The following SAMD3 variants were observed in gnomAD, a reference collection of about 807,000 sequenced individuals.
SAMD3 encodes the protein sterile alpha motif domain-containing protein 3.
SAMD3 carries 63 observed loss-of-function variants against 58.5 expected under a neutral mutation model. The ratio of observed to expected loss-of-function variants is 1.08; its 90% CI spans 0.88 to 1.33. SAMD3 has a LOEUF of 1.33. Ranked by LOEUF, SAMD3 falls within the 40% of genes most tolerant of loss-of-function variation. SAMD3 has a pLI of 0.00. For missense variants in SAMD3, 604 were observed against 608.4 expected, an observed-to-expected ratio of 0.99 and a Z score of 0.08; for synonymous variants, 220 against 210.3, an observed-to-expected ratio of 1.05 and a Z score of -0.40.
chr6:130,352,453 C>A (rs1777704365), intron 1 of SAMD3, among the ~76,000 whole-genome samples: 1 of 151,942 alleles, frequency 6.6e-6, no homozygotes, highest in Non-Finnish European at 1.5e-5. Flanking sequence ...AAAATATCAC[C>A]CCTGCCATTA....
chr6:130,344,084 G>C (rs1018109443), intron 1 of SAMD3, among the ~76,000 whole-genome samples: 1 of 152,076 alleles, frequency 6.6e-6, no homozygotes, highest in African/African-American at 2.4e-5. Context: ...AGCTTTTCTG[G>C]CTTTTGTTTT....
intron 2 of SAMD3, among the ~76,000 whole-genome samples, chr6:130,307,130 C>T (rs1828696): frequency 0.17 from 25,679 of 152,158 alleles, 2,428 homozygotes; most frequent in East Asian, 0.36. Flanking sequence ...TCACAAAGAT[C>T]AAACTTTATA....
At chr6:130,241,030 A>G (rs1389777737) in intron 2 of SAMD3, among the ~76,000 whole-genome samples, 1 of 152,040 alleles carries the variant, frequency 6.6e-6, no homozygotes, top group Non-Finnish European at 1.5e-5. Context: ...CTCTTTGGCG[A>G]ACTGTCAGTC....
At chr6:130,178,462 A>T (rs35570259) in intron 7 of SAMD3, among the ~76,000 whole-genome samples, 2 of 152,034 alleles carry the variant, frequency 1.3e-5, no homozygotes, top group African/African-American at 4.8e-5. Flanking sequence ...GTAAGTCGCC[A>T]AATGGCTTTG....
chr6:130,253,061 A>G (rs2114911966), intron 2 of SAMD3, among the ~76,000 whole-genome samples: 1 of 152,282 alleles, frequency 6.6e-6, no homozygotes, highest in African/African-American at 2.4e-5. Flanking sequence ...TTCTGTGTAC[A>G]TACTTTACAC....
Position 130,354,717 on chromosome 6 carries a change from G to A in SAMD3, c.-304+10403C>T, listed in dbSNP as rs760849096. Among the ~76,000 whole-genome samples the A allele has an allele frequency of 1.8e-4, 27 of 152,174 alleles. 1 individual carries two copies. Among genetic ancestry groups the A allele is most frequent in the African/African-American group, 2.2e-4 (9 of 41,512 alleles). On this transcript the variant is annotated intron_variant, in intron 1 of 13. Transcript: ENST00000368134. ...CTATTGGGCACCAGGTTTAGTACACGGGTGACAAAATAATCTGTCAACAAC... is the reference window on the plus strand; with the variant it reads ...CTATTGGGCACCAGGTTTAGTACACAGGTGACAAAATAATCTGTCAACAAC...
At chr6:130,190,015 T>C (rs1466865685) in intron 5 of SAMD3, among the ~76,000 whole-genome samples, 2 of 152,128 alleles carry the variant, frequency 1.3e-5, no homozygotes, top group Non-Finnish European at 2.9e-5. Flanking sequence ...GGGCAACCCA[T>C]TATGTGGAAA....
intron 8 of SAMD3, chr6:130,161,638 T>G (rs1446710404): frequency 6.6e-6 from 1 of 152,236 alleles, no homozygotes; most frequent in African/African-American, 2.4e-5. Context: ...TTAGATATAC[T>G]GTTAATGATT....
intron 1 of SAMD3, among the ~76,000 whole-genome samples, chr6:130,355,662 T>A (rs1347676217): frequency 6.6e-6 from 1 of 151,954 alleles, no homozygotes; most frequent in East Asian, 1.9e-4. Flanking sequence ...CACCAGGCAA[T>A]AAAAGAAAAT....
At chr6:130,262,606 G>A (rs1310674221) in intron 2 of SAMD3, among the ~76,000 whole-genome samples, 2 of 150,740 alleles carry the variant, frequency 1.3e-5, no homozygotes, top group Non-Finnish European at 2.9e-5. Context: ...GGTTATAAAA[G>A]GAAATTCATG....
intron 2 of SAMD3, among the ~76,000 whole-genome samples, chr6:130,308,503 T>C (rs1362917412): frequency 6.6e-6 from 1 of 151,532 alleles, no homozygotes; most frequent in Non-Finnish European, 1.5e-5. Flanking sequence ...ACCTAGAAGG[T>C]TGGGCCATCC....
chr6:130,270,787 A>G (rs1031446471), intron 2 of SAMD3, among the ~76,000 whole-genome samples: 2 of 152,190 alleles, frequency 1.3e-5, no homozygotes, highest in African/African-American at 4.8e-5. Flanking sequence ...TTACTCATGG[A>G]TTTTAAGATA....
At chr6:130,257,753 A>G (rs1415734094) in intron 2 of SAMD3, among the ~76,000 whole-genome samples, 1 of 152,202 alleles carries the variant, frequency 6.6e-6, no homozygotes, top group Non-Finnish European at 1.5e-5. Context: ...TGATGAATTT[A>G]ATATAAATAT....
chr6:130,328,323 C>T (rs1776821075), intron 1 of SAMD3, among the ~76,000 whole-genome samples: 1 of 152,162 alleles, frequency 6.6e-6, no homozygotes, highest in Non-Finnish European at 1.5e-5. Context: ...ACTTGCCAAC[C>T]CTCACTTCCT....
intron 1 of SAMD3, among the ~76,000 whole-genome samples, chr6:130,338,226 C>T (rs1241532024): frequency 6.6e-6 from 1 of 152,266 alleles, no homozygotes; most frequent in Non-Finnish European, 1.5e-5. Flanking sequence ...GACTTGGCAG[C>T]TTCCAAGTAG....
At chr6:130,315,048 T>C (rs536926378) in intron 1 of SAMD3, among the ~76,000 whole-genome samples, 13 of 152,320 alleles carry the variant, frequency 8.5e-5, no homozygotes, top group African/African-American at 3.1e-4. Context: ...AACTATATAC[T>C]ATATTGTGCT....
At chr6:130,168,468 C>T (rs1220587260) in intron 8 of SAMD3, among the ~76,000 whole-genome samples, 4 of 152,010 alleles carry the variant, frequency 2.6e-5, no homozygotes, top group Admixed American at 2.6e-4. Context: ...AAAAATCCAC[C>T]TTCTTTCATT....
At chr6:130,357,389 C>G (rs997994701) in intron 1 of SAMD3, among the ~76,000 whole-genome samples, 2 of 151,820 alleles carry the variant, frequency 1.3e-5, no homozygotes, top group Non-Finnish European at 2.9e-5. Context: ...CTCCCAAAGT[C>G]CTGGGATTAC....
intron 8 of SAMD3, among the ~76,000 whole-genome samples, chr6:130,158,960 G>A (rs1790043142): frequency 6.6e-6 from 1 of 152,178 alleles, no homozygotes. Flanking sequence ...GGGACCAGAG[G>A]CTGAAGTGAA....
Sources: gnomAD v4.1 joint callset for allele counts (sites outside exome capture counted in the v4.1 genomes callset) on GRCh38, gnomAD v4.1.1 for gene constraint, MANE v1.5 for transcripts, NCBI Gene and HGNC (gene_info 2026-07-23, HGNC 2026-07-21) for gene names.